The following CCDC33 variants were observed in gnomAD, a reference collection of about 807,000 sequenced individuals.
The protein encoded by CCDC33 is coiled-coil domain-containing protein 33.
CCDC33 carries 94 observed loss-of-function variants against 91.9 expected under a neutral mutation model. The observed-to-expected ratio is 1.02, with a 90% CI of 0.87 to 1.21. The LOEUF (loss-of-function observed/expected upper bound fraction) is 1.21. CCDC33 is among the 50% of genes most tolerant of loss of function. The pLI, the probability that CCDC33 is intolerant of heterozygous loss-of-function variation, is 0.00. For missense variants in CCDC33, 940 were observed against 935.5 expected (o/e 1.00, Z -0.06); for synonymous variants, 396 against 374.5 (o/e 1.06, Z -0.66).
chr15:74,288,763 G>T (rs1023763736), intron 10 of CCDC33, among the ~76,000 whole-genome samples: 1 of 152,194 alleles, frequency 6.6e-6, no homozygotes, highest in Non-Finnish European at 1.5e-5. Flanking sequence ...CAAGCTCCAG[G>T]TCATCTGTGG....
chr15:74,224,569 G>A (rs895375339), intron 2 of CCDC33, among the ~76,000 whole-genome samples: 1 of 152,224 alleles, frequency 6.6e-6, no homozygotes, highest in Non-Finnish European at 1.5e-5. Flanking sequence ...TAGGGTGAGA[G>A]GCAGGTGCAT....
In CCDC33 at chr15:74,281,863, C is replaced by T; in HGVS notation, c.1095+14C>T. The T allele has an allele frequency of 1.9e-6, 3 of 1,611,576 alleles. No homozygotes were observed. Among genetic ancestry groups the T allele is most frequent in the Non-Finnish European group, 2.5e-6 (3 of 1,177,920 alleles). ...CTTTCCTCTGAGGTAAGGCTGTGGG[C>T]CAGGGGAGGGTCAGGGCCAGCAGGC... is the stretch of plus-strand genomic sequence containing the variant. On this transcript the variant is annotated intron_variant, in intron 10 of 18. Transcript: ENST00000398814.
chr15:74,264,878 CT>C (rs2076126983), intron 3 of CCDC33, among the ~76,000 whole-genome samples: 1 of 152,290 alleles, frequency 6.6e-6, no homozygotes, highest in East Asian at 1.9e-4. Flanking sequence ...GGTTAAATTA[CT>C]TGCTAACAGT....
At chr15:74,208,354 G>A (rs1291306646) in intron 1 of CCDC33, among the ~76,000 whole-genome samples, 2 of 152,100 alleles carry the variant, frequency 1.3e-5, no homozygotes, top group African/African-American at 2.4e-5. Context: ...AGAGCCCCAC[G>A]TTCTCCGTTC....
chr15:74,281,922 G>T, intron 10 of CCDC33, 73 bp downstream of exon 10: 2 of 1,370,906 alleles, frequency 1.5e-6, no homozygotes, highest in Non-Finnish European at 1.0e-6. Flanking sequence ...CTTCACAATT[G>T]CTGGCTTTGT....
intron 10 of CCDC33, among the ~76,000 whole-genome samples, chr15:74,291,900 T>A (rs1458923413): frequency 2.0e-5 from 3 of 152,216 alleles, no homozygotes; most frequent in African/African-American, 7.2e-5. Flanking sequence ...AAGGGATGTC[T>A]TCTCCCCAAC....
At chr15:74,292,384 G>A (rs2059601398) in intron 10 of CCDC33, among the ~76,000 whole-genome samples, 1 of 152,148 alleles carries the variant, frequency 6.6e-6, no homozygotes, top group African/African-American at 2.4e-5. Context: ...AGGGGCTGAG[G>A]GCATAATTTC....
upstream of CCDC33, among the ~76,000 whole-genome samples, chr15:74,234,519 G>A (rs983568620): frequency 1.3e-5 from 2 of 152,198 alleles, no homozygotes; most frequent in African/African-American, 4.8e-5. Context: ...GACAGGCACA[G>A]GAGCTGGTGT....
rs1595878921 is a variant in CCDC33, at chr15:74,218,747, T to C, written c.561T>C (p.Ser187=). The C allele has an allele frequency of 7.8e-7, 1 of 1,289,558 alleles. No individual in the cohort carries two copies. The highest frequency in any genetic ancestry group is 5.5e-5 in the East Asian group (1 of 18,022). The allele number at this position is 1,289,558 out of a possible 1,614,324, so 79.9% of individuals were successfully genotyped here. The change falls in exon 2 of 3, where the codon AGT becomes AGC. Residue 187 remains serine (S), a synonymous_variant. Coordinates refer to the CCDC33 transcript ENST00000635913. This position sits in a 1 kb window ranked among gnomAD's most constrained non-coding sequence, Gnocchi z 4.8. ...GACACTGTGGGAGCCTGGCCTACAG[T>C]GTGGCCTTCCACGTCCACCGGGGCC...
intron 2 of CCDC33, among the ~76,000 whole-genome samples, chr15:74,251,411 G>A (rs1445030344): frequency 2.6e-5 from 4 of 152,238 alleles, no homozygotes; most frequent in African/African-American, 9.6e-5. Flanking sequence ...GGCACGGGGT[G>A]CCCCAGTGGA....
At chr15:74,227,184 T>C (rs979925076) in intron 2 of CCDC33, among the ~76,000 whole-genome samples, 2 of 152,126 alleles carry the variant, frequency 1.3e-5, no homozygotes, top group East Asian at 3.9e-4. Context: ...CTAGAGGAGA[T>C]AGACAGCTTG....
chr15:74,262,460 A>G lies in CCDC33; in HGVS notation c.206A>G (p.Lys69Arg). The G allele has an allele frequency of 6.2e-7, 1 of 1,614,074 alleles. No individual in the cohort carries two copies. Among genetic ancestry groups the G allele is most frequent in the Non-Finnish European group, 8.5e-7 (1 of 1,179,984 alleles). ...CCCAGGAAAAGCACATCTGAGGAAA[A>G]GAACAATCAGAGCTCCAAGGCAGTC... ...YVVVKSTSEEKNNQSSKAVTS... is the reference protein window; with the variant it reads ...YVVVKSTSEERNNQSSKAVTS... Residue 69 changes from lysine to arginine, a missense_variant, in exon 3 of 19, where the codon AAG becomes AGG. By Grantham distance (26) the Lys-to-Arg change is conservative. Transcript: ENST00000398814.
intron 11 of CCDC33, among the ~76,000 whole-genome samples, chr15:74,314,502 G>A (rs1429103302): frequency 6.6e-6 from 1 of 152,162 alleles, no homozygotes; most frequent in African/African-American, 2.4e-5. Context: ...ATTCAGTTAG[G>A]GCAAAATGCA....
chr15:74,330,740 G>A lies in CCDC33; in HGVS notation c.1534G>A (p.Glu512Lys), dbSNP rs369099038. ...GGACAGGGTGCAGCATTTGCAGAATGAGCTGATTCGAGTGAGCTGGGGCTT... is the reference window on the plus strand; with the variant it reads ...GGACAGGGTGCAGCATTTGCAGAATAAGCTGATTCGAGTGAGCTGGGGCTT... ...LRDRVQHLQN[E>K]LIRKNDREKE... The change falls in exon 13 of 19, where the codon GAG becomes AAG. Residue 512 changes from glutamate to lysine, a missense_variant. Coordinates refer to ENST00000398814, the MANE Select transcript of CCDC33 (RefSeq NM_025055.5). 4.3e-6 allele frequency: 7 copies of A among 1,613,138 alleles called. No homozygotes were observed. In the African/African-American group the frequency reaches 8.0e-5, roughly 18 times the overall value.
At chr15:74,211,328 T>G (rs916697179) in intron 2 of CCDC33, among the ~76,000 whole-genome samples, 1 of 151,672 alleles carries the variant, frequency 6.6e-6, no homozygotes, top group African/African-American at 2.4e-5. Flanking sequence ...CTCTCAATAC[T>G]CTGTCTGATA....
chr15:74,214,201 A>T (rs1051065400), upstream of CCDC33, among the ~76,000 whole-genome samples: 3 of 152,088 alleles, frequency 2.0e-5, no homozygotes, highest in African/African-American at 7.2e-5. Flanking sequence ...TGGGCTAATT[A>T]TAGGCCCTGG....
In CCDC33 at chr15:74,316,214, G is replaced by A. The variant is rs1428832892; in HGVS notation, c.1291-13975G>A. 6.6e-6 allele frequency among the ~76,000 whole-genome samples: 1 copy of A among 152,160 alleles called. No individual in the cohort carries two copies. The highest frequency in any genetic ancestry group is 1.5e-5 in the Non-Finnish European group (1 of 68,028). ...GGGCAGGCTCAAGTCCCTCAAGGGC[G>A]CGGCTTCCCTCCCTCTCAGCAGCCC... is the stretch of plus-strand genomic sequence containing the variant. On this transcript the variant is annotated intron_variant, in intron 11 of 18. Transcript: ENST00000398814. This position sits in a 1 kb window ranked among gnomAD's most constrained non-coding sequence, Gnocchi z 4.7.
At chr15:74,216,017 G>A (rs1188440405), upstream of CCDC33, among the ~76,000 whole-genome samples, 1 of 152,248 alleles carries the variant, frequency 6.6e-6, no homozygotes, top group African/African-American at 2.4e-5. Flanking sequence ...CCTGCTTGCA[G>A]GGGATGGGGC....
intron 2 of CCDC33, among the ~76,000 whole-genome samples, chr15:74,225,115 G>GGTGTGTGT (rs1424751006): frequency 1.0e-3 from 117 of 117,194 alleles, no homozygotes; most frequent in African/African-American, 4.1e-3. Flanking sequence ...ACCTCCTGGA[G>GGTGTGTGT]GCGTGTGTGT....
Sources: allele counts gnomAD v4.1 joint callset (sites outside exome capture counted in the v4.1 genomes callset), GRCh38; gene constraint gnomAD v4.1.1; non-coding constraint Gnocchi (gnomAD v3.1); transcripts MANE v1.5; gene names NCBI Gene and HGNC (gene_info 2026-07-23, HGNC 2026-07-21).